SYTL5: variants seen among roughly 807,000 people sequenced by gnomAD.
SYTL5 encodes the protein synaptotagmin-like protein 5.
SYTL5 carries 34 observed loss-of-function variants against 55.9 expected under a neutral mutation model. The observed-to-expected ratio is 0.61, with a 90% CI of 0.46 to 0.81. The LOEUF is 0.81. Ranked by LOEUF, SYTL5 falls within the 30% of genes least tolerant of loss-of-function variation. The pLI is 0.00. For missense variants in SYTL5, 637 were observed against 546.7 expected (o/e 1.17, Z -1.65); for synonymous variants, 221 against 188.7 (o/e 1.17, Z -1.40).
chrX:37,969,402 T>TA, the SYTL5 span, among the ~76,000 whole-genome samples: 1 of 111,815 alleles, frequency 8.9e-6, no homozygotes, highest in South Asian at 3.7e-4. Context: ...AATAAGCACT[T>TA]ACATTTTTTA....
At chrX:38,011,938 T>C (rs1400802148) in intron 1 of SYTL5, among the ~76,000 whole-genome samples, 1 of 111,981 alleles carries the variant, frequency 8.9e-6, no homozygotes, top group Non-Finnish European at 1.9e-5. Context: ...AATAGGCTTT[T>C]AGTTCATTTT....
intron 2 of SYTL5, among the ~76,000 whole-genome samples, chrX:38,034,620 G>T (rs1051003753): frequency 2.7e-5 from 3 of 112,152 alleles, no homozygotes; most frequent in Non-Finnish European, 5.6e-5. Context: ...TTCTTGTGAA[G>T]AAAGTTGAAC....
chrX:37,944,619 G>A, the SYTL5 span, among the ~76,000 whole-genome samples: 1 of 111,439 alleles, frequency 9.0e-6, no homozygotes. Context: ...ATGAATGCGG[G>A]CACAACTGAA....
rs746499204 is a variant in SYTL5 at position 38,006,629 on chromosome X, A to G, written c.-396A>G. The G allele has an allele frequency of 5.4e-5, 6 of 111,624 alleles. No individual in the cohort carries two copies. The highest frequency in any genetic ancestry group is 9.7e-5 in the African/African-American group (3 of 30,839). 9.2% of individuals were successfully genotyped at this position (111,624 alleles called of 1,213,427 possible). A position where few individuals can be genotyped will look rare whatever the true frequency, so the allele number is the denominator to read the frequency against. ...ATTCTACAGTTTGTGTGTTTGAGAG[A>G]AAAATAAGCCCATAAAAACATTCTA... On this transcript the variant is annotated 5_prime_UTR_variant, in exon 1 of 17. Coordinates refer to ENST00000297875, the MANE Select transcript of SYTL5 (RefSeq NM_138780.3).
In SYTL5 at chrX:38,118,609, C is replaced by T. The variant is rs760257285; in HGVS notation, c.1597-1749C>T. Among the ~76,000 whole-genome samples the T allele has an allele frequency of 3.1e-4, 35 of 111,802 alleles. No individual in the cohort carries two copies. The East Asian group carries it at 9.5e-3, about 30-fold the overall frequency. The stretch of plus-strand genomic sequence containing the variant: ...GGTTCTGGGTGCACGTGCACATTGA[C>T]TTTCTTTAATTTAAACTTTATATTT... On this transcript the variant is annotated intron_variant, in intron 13 of 16. Coordinates refer to ENST00000297875, the MANE Select transcript of SYTL5 (RefSeq NM_138780.3).
chrX:37,911,907 G>A, the SYTL5 span, among the ~76,000 whole-genome samples: 1 of 111,449 alleles, frequency 9.0e-6, no homozygotes, highest in Non-Finnish European at 1.9e-5. Context: ...TGTTCTTAAA[G>A]CTCTATTTAT....
At chrX:37,941,247 C>T in the SYTL5 span, among the ~76,000 whole-genome samples, 2 of 111,626 alleles carry the variant, frequency 1.8e-5, no homozygotes, top group African/African-American at 6.5e-5. Flanking sequence ...ATCTGGGACC[C>T]GCTCCCCACC....
At position 38,033,753 on chromosome X, in the gene SYTL5, C is replaced by A. The variant is rs1935027328; in HGVS notation, c.-137C>A. The A allele has an allele frequency of 2.5e-6, 1 of 399,326 alleles. No individual in the cohort carries two copies. Among genetic ancestry groups the A allele is most frequent in the Non-Finnish European group, 4.4e-6 (1 of 225,464 alleles). 32.9% of individuals were successfully genotyped at this position (399,326 alleles called of 1,213,427 possible). ...TACTTAACTACCATACGCAATTCTGCAGAGACCTTGTAAAAATCACACTTT... is the reference window on the plus strand; with the variant it reads ...TACTTAACTACCATACGCAATTCTGAAGAGACCTTGTAAAAATCACACTTT... On this transcript the variant is annotated 5_prime_UTR_variant, in exon 2 of 17. Transcript: ENST00000297875.
chrX:38,094,229 T>G, intron 7 of SYTL5, 66 bp from the exon 8 acceptor site: 2 of 997,742 alleles, frequency 2.0e-6, no homozygotes, highest in Non-Finnish European at 2.8e-6. Flanking sequence ...AGTATATTTA[T>G]GTAGATGAAT....
At chrX:38,115,571 T>C (rs981236643) in intron 13 of SYTL5, among the ~76,000 whole-genome samples, 2 of 109,982 alleles carry the variant, frequency 1.8e-5, no homozygotes, top group Non-Finnish European at 3.8e-5. Flanking sequence ...GTCATAAATA[T>C]GGTAGTTCTA....
intron 6 of SYTL5, among the ~76,000 whole-genome samples, chrX:38,084,640 G>A (rs1936625177): frequency 9.0e-6 from 1 of 111,441 alleles, no homozygotes; most frequent in South Asian, 3.8e-4. Context: ...GATGATCGAT[G>A]ATTGTTGTAG....
chrX:37,911,962 A>G, the SYTL5 span, among the ~76,000 whole-genome samples: 3 of 112,180 alleles, frequency 2.7e-5, no homozygotes, highest in African/African-American at 9.7e-5. Flanking sequence ...TAAACTTAAA[A>G]AGGTATTCAA....
intron 13 of SYTL5, among the ~76,000 whole-genome samples, chrX:38,118,272 C>G (rs1937523954): frequency 8.9e-6 from 1 of 112,032 alleles, no homozygotes; most frequent in African/African-American, 3.2e-5. Context: ...TTTACTACCA[C>G]CAGCAGGAAA....
intron 2 of SYTL5, among the ~76,000 whole-genome samples, chrX:38,039,949 G>T (rs755803091): frequency 3.6e-5 from 4 of 111,097 alleles, no homozygotes; most frequent in Non-Finnish European, 7.5e-5. Flanking sequence ...ACCAAGGCGG[G>T]CAGATCATGA....
the SYTL5 span, among the ~76,000 whole-genome samples, chrX:37,964,223 A>G: frequency 2.7e-5 from 3 of 111,830 alleles, no homozygotes; most frequent in Non-Finnish European, 5.6e-5. Context: ...GACACCATCT[A>G]TGATCCAGAG....
chrX:38,002,764 T>C (rs777246859), upstream of SYTL5, among the ~76,000 whole-genome samples: 1 of 112,147 alleles, frequency 8.9e-6, no homozygotes, highest in South Asian at 3.7e-4. Flanking sequence ...TTCTGGATAT[T>C]AGCCCTTTGT....
chrX:37,945,211 G>T, the SYTL5 span, among the ~76,000 whole-genome samples: 1,284 of 111,884 alleles, frequency 0.011, 19 homozygotes, highest in African/African-American at 0.04. Flanking sequence ...TTTGTTGAGG[G>T]TTTTTAATTC....
At chrX:38,001,390 T>C in the SYTL5 span, among the ~76,000 whole-genome samples, 1 of 111,796 alleles carries the variant, frequency 8.9e-6, no homozygotes, top group Non-Finnish European at 1.9e-5. Flanking sequence ...AATTAATGTC[T>C]TATTTATTCT....
At chrX:38,045,762 T>G (rs1397969459) in intron 2 of SYTL5, among the ~76,000 whole-genome samples, 1 of 112,475 alleles carries the variant, frequency 8.9e-6, no homozygotes, top group Admixed American at 9.4e-5. Context: ...GTGATTCTTT[T>G]TAATAGCCTT....
Sources: allele counts gnomAD v4.1 joint callset (sites outside exome capture counted in the v4.1 genomes callset), GRCh38; gene constraint gnomAD v4.1.1; transcripts MANE v1.5; gene names NCBI Gene and HGNC (gene_info 2026-07-23, HGNC 2026-07-21).